The following PTPRD variants were observed in gnomAD, a reference collection of about 807,000 sequenced individuals.
The protein encoded by PTPRD is protein tyrosine phosphatase receptor type D, also known as receptor-type tyrosine-protein phosphatase delta.
In PTPRD, 34 loss-of-function variants were observed where a neutral mutation model predicts 214.5. That is an observed-to-expected ratio of 0.16 (90% CI 0.12 to 0.21). The LOEUF (loss-of-function observed/expected upper bound fraction) is 0.21, where lower values mean the gene tolerates loss of function less well. Ranked by LOEUF, PTPRD falls within the 10% of genes least tolerant of loss-of-function variation. PTPRD has a pLI of 1.00. For synonymous variants in PTPRD, 1,128 were observed against 845.7 expected (o/e 1.33, Z -5.79); for missense variants, 2,545 against 2,398.7 (o/e 1.06, Z -1.27).
intron 9 of PTPRD, among the ~76,000 whole-genome samples, chr9:9,329,734 G>C (rs572702723): frequency 6.6e-6 from 1 of 152,284 alleles, no homozygotes; most frequent in East Asian, 1.9e-4. Flanking sequence ...TAGAGGTTTG[G>C]TTCTTCACAG....
chr9:9,797,951 T>C (rs191075543), intron 5 of PTPRD, among the ~76,000 whole-genome samples: 13 of 152,224 alleles, frequency 8.5e-5, no homozygotes, highest in Admixed American at 5.9e-4. Flanking sequence ...AAAAGTAAGT[T>C]AAAGAGTTAA....
Position 8,791,169 on chromosome 9 carries a change from C to G in PTPRD, c.-103-57223G>C, listed in dbSNP as rs1011897295. ...AAATTAAAATGGTAAACATGAGAAA[C>G]AGTGACAAAGGATGTAGAAAGAATA... On this transcript the variant is annotated intron_variant, in intron 11 of 45. Transcript: ENST00000381196. Among the ~76,000 whole-genome samples the G allele has an allele frequency of 6.6e-5, 10 of 152,128 alleles. No individual in the cohort carries two copies. The East Asian group carries it at 1.9e-3, about 29-fold the overall frequency.
chr9:9,957,003 C>G (rs1430260362), intron 4 of PTPRD, among the ~76,000 whole-genome samples: 1 of 152,088 alleles, frequency 6.6e-6, no homozygotes, highest in African/African-American at 2.4e-5. Context: ...ACAAGAGAAA[C>G]TATTGGGCTC....
chr9:8,804,469 A>C (rs2096634315), intron 11 of PTPRD, among the ~76,000 whole-genome samples: 1 of 151,938 alleles, frequency 6.6e-6, no homozygotes, highest in East Asian at 1.9e-4. Context: ...ATGGTGGTGC[A>C]TGCCTGTGGT....
chr9:8,673,556 G>A (rs746600077), intron 12 of PTPRD, among the ~76,000 whole-genome samples: 13 of 152,056 alleles, frequency 8.5e-5, no homozygotes, highest in Non-Finnish European at 1.6e-4. Context: ...GCTGGGTAAT[G>A]GTTACTAAGA....
At chr9:9,285,821 C>T (rs974538950) in intron 9 of PTPRD, among the ~76,000 whole-genome samples, 1 of 151,736 alleles carries the variant, frequency 6.6e-6, no homozygotes, top group African/African-American at 2.4e-5. Context: ...CTTTCATGGC[C>T]TCAACTACTC....
At chr9:8,854,529 C>T (rs1279426663) in intron 11 of PTPRD, among the ~76,000 whole-genome samples, 2 of 152,142 alleles carry the variant, frequency 1.3e-5, no homozygotes, top group Non-Finnish European at 1.5e-5. Context: ...ACAGTGTACT[C>T]TTTTACAAAC....
At chr9:9,526,306 C>A (rs2074106742) in intron 8 of PTPRD, among the ~76,000 whole-genome samples, 1 of 152,116 alleles carries the variant, frequency 6.6e-6, no homozygotes, top group Admixed American at 6.5e-5. Context: ...CATACACGTA[C>A]TTGGGTGGGC....
chr9:10,431,391 T>A (rs967998325), intron 2 of PTPRD, among the ~76,000 whole-genome samples: 1 of 151,928 alleles, frequency 6.6e-6, no homozygotes, highest in African/African-American at 2.4e-5. Flanking sequence ...ACTTCATGTC[T>A]AAAACACCAA....
At chr9:9,777,493 G>C (rs1325567344) in intron 5 of PTPRD, among the ~76,000 whole-genome samples, 1 of 152,096 alleles carries the variant, frequency 6.6e-6, no homozygotes, top group Non-Finnish European at 1.5e-5. Flanking sequence ...CCAAGAGTTT[G>C]AGACCAGCCT....
intron 2 of PTPRD, among the ~76,000 whole-genome samples, chr9:10,344,143 A>G (rs2097013780): frequency 6.6e-6 from 1 of 151,476 alleles, no homozygotes; most frequent in Admixed American, 6.6e-5. Context: ...GTTTTCTTCT[A>G]GGGTTTTTAT....
At chr9:9,595,026 C>A (rs1025960097) in intron 7 of PTPRD, among the ~76,000 whole-genome samples, 7 of 151,764 alleles carry the variant, frequency 4.6e-5, no homozygotes, top group Non-Finnish European at 8.8e-5. Context: ...CAAATCAAAA[C>A]CACAATGCAA....
intron 3 of PTPRD, among the ~76,000 whole-genome samples, chr9:10,163,206 G>C (rs1297420594): frequency 1.4e-5 from 2 of 145,942 alleles, no homozygotes; most frequent in Non-Finnish European, 3.0e-5. Context: ...TTCTCTAATT[G>C]ATCAAATATA....
Position 8,339,020 on chromosome 9 carries a change from C to G in PTPRD, c.5281G>C (p.Glu1761Gln), listed in dbSNP as rs760526678. The G allele has an allele frequency of 6.2e-7, 1 of 1,612,130 alleles. No individual in the cohort carries two copies. The highest frequency in any genetic ancestry group is 1.1e-5 in the South Asian group (1 of 90,960). ...REKCHQYWPA[E>Q]RSARYQYFVV... Reference sequence around the variant, plus strand: ...AAGTACTGGTATCTTGCAGACCGTTCTGCTGGCCAGTATTGGTGACATTTC... The same window carrying G: ...AAGTACTGGTATCTTGCAGACCGTTGTGCTGGCCAGTATTGGTGACATTTC... Residue 1761 changes from glutamate (E) to glutamine (Q), a missense_variant, in exon 43 of 46, where the codon GAA becomes CAA. Glu to Gln is a conservative substitution (Grantham distance 29, BLOSUM62 2). Coordinates refer to ENST00000381196, the MANE Select transcript of PTPRD (RefSeq NM_002839.4).
intron 11 of PTPRD, among the ~76,000 whole-genome samples, chr9:8,759,665 CTA>C (rs1390017776): frequency 1.4e-5 from 2 of 146,508 alleles, no homozygotes; most frequent in African/African-American, 5.2e-5. Flanking sequence ...ACTCATTTCA[CTA>C]TGTTTTCTTT....
At chr9:9,602,055 A>G (rs568839479) in intron 7 of PTPRD, among the ~76,000 whole-genome samples, 74 of 152,236 alleles carry the variant, frequency 4.9e-4, no homozygotes, top group African/African-American at 1.8e-3. Context: ...TACTGGTTTC[A>G]TCAGACTCTT....
At chr9:8,953,289 G>A (rs192487908) in intron 11 of PTPRD, among the ~76,000 whole-genome samples, 151 of 152,010 alleles carry the variant, frequency 9.9e-4, no homozygotes, top group African/African-American at 3.4e-3. Flanking sequence ...TCCATATGCA[G>A]AAGAATGGCT....
chr9:8,319,926 T>C lies in PTPRD; in HGVS notation c.5575A>G (p.Ile1859Val), dbSNP rs1013575329. 5.0e-6 allele frequency: 8 copies of C among 1,612,738 alleles called. No homozygotes were observed. The highest frequency in any genetic ancestry group is 6.8e-6 in the Non-Finnish European group (8 of 1,179,360). The change falls in exon 45 of 46, where the codon ATT (isoleucine) becomes GTT (valine). Residue 1859 changes from isoleucine to valine, a missense_variant. By Grantham distance (29) the Ile-to-Val change is conservative (BLOSUM62 3). Coordinates refer to ENST00000381196, the MANE Select transcript of PTPRD (RefSeq NM_002839.4). ...GRTGVFITLS[I>V]VLERMRYEGV... Reference sequence around the variant, plus strand: ...TCATATCTCATTCTTTCCAAAACAATGCTTAGCGTTATGAAGACTCCAGTT... The same window carrying C: ...TCATATCTCATTCTTTCCAAAACAACGCTTAGCGTTATGAAGACTCCAGTT...
intron 11 of PTPRD, among the ~76,000 whole-genome samples, chr9:8,887,473 T>C (rs141503463): frequency 7.4e-4 from 113 of 152,174 alleles, no homozygotes; most frequent in African/African-American, 2.5e-3. Context: ...ATGACACCTG[T>C]AAAGGGAAGT....
Sources: allele counts gnomAD v4.1 joint callset (sites outside exome capture counted in the v4.1 genomes callset), GRCh38; gene constraint gnomAD v4.1.1; transcripts MANE v1.5; gene names NCBI Gene and HGNC (gene_info 2026-07-23, HGNC 2026-07-21).